Variants in FBLN1 observed in about 807,000 individuals in gnomAD.
FBLN1 encodes fibulin 1, also known as fibulin-1.
A neutral mutation model predicts 89.7 loss-of-function variants in FBLN1; 34 were observed. The observed-to-expected ratio is 0.38, with a 90% CI of 0.29 to 0.50. FBLN1 has a LOEUF of 0.50. FBLN1 is among the 20% of genes least tolerant of loss of function. FBLN1 has a pLI of 0.92. For missense variants in FBLN1, 777 were observed against 988.1 expected, an observed-to-expected ratio of 0.79 and a Z score of 2.86; for synonymous variants, 393 against 391.3, an observed-to-expected ratio of 1.00 and a Z score of -0.05.
At chr22:45,546,380 C>T (rs1160290214) in intron 11 of FBLN1, among the ~76,000 whole-genome samples, 1 of 152,130 alleles carries the variant, frequency 6.6e-6, no homozygotes, top group African/African-American at 2.4e-5. Flanking sequence ...CCATGCCTGG[C>T]TAATTCTTGT....
intron 8 of FBLN1, among the ~76,000 whole-genome samples, chr22:45,540,523 A>G (rs1178066626): frequency 1.3e-5 from 2 of 152,056 alleles, no homozygotes; most frequent in Admixed American, 1.3e-4. Flanking sequence ...GATGCTTTGT[A>G]AGTGTCTGAG....
intron 1 of FBLN1, among the ~76,000 whole-genome samples, chr22:45,509,311 A>T (rs1278600126): frequency 6.6e-6 from 1 of 152,174 alleles, no homozygotes; most frequent in East Asian, 1.9e-4. Context: ...AACTGTGGGG[A>T]GAATGCTTCT....
chr22:45,514,598 C>T (rs118176943), intron 1 of FBLN1, among the ~76,000 whole-genome samples: 107 of 152,256 alleles, frequency 7.0e-4, no homozygotes, highest in Non-Finnish European at 1.2e-3. Context: ...CCCCCTGGGA[C>T]GATGGAGGAG....
At chr22:45,508,540 C>G (rs1235256218) in intron 1 of FBLN1, among the ~76,000 whole-genome samples, 1 of 152,144 alleles carries the variant, frequency 6.6e-6, no homozygotes, top group African/African-American at 2.4e-5. Flanking sequence ...GAATTACAGG[C>G]GTGAGCCACC....
At chr22:45,589,608 T>TC (rs1236943292) in intron 16 of FBLN1, among the ~76,000 whole-genome samples, 1 of 152,132 alleles carries the variant, frequency 6.6e-6, no homozygotes, top group East Asian at 1.9e-4. Context: ...ATGGCGCCTC[T>TC]CAGGAGTAAA....
intron 13 of FBLN1, 78 bp downstream of exon 13, chr22:45,548,822 G>A (rs928944745): frequency 1.4e-5 from 22 of 1,586,622 alleles, no homozygotes; most frequent in Middle Eastern, 2.2e-4. Flanking sequence ...GGCTGGGCTC[G>A]GGGGCTGTGC....
At position 45,572,192 on chromosome 22, in the gene FBLN1, G is replaced by A. The variant is rs1330097488; in HGVS notation, c.1698-2319G>A. On this transcript the variant is annotated intron_variant, in intron 14 of 16. Transcript: ENST00000327858. The surrounding 1 kb of genome is among the most constrained non-coding windows in gnomAD (Gnocchi z 5.8). ...CAGAAATACAAATCCAAGACTTCTT[G>A]GAGAAATGGTTGATTCCAGGTCTTG... 6.6e-6 allele frequency among the ~76,000 whole-genome samples: 1 copy of A among 152,142 alleles called. No individual in the cohort carries two copies. The highest frequency in any genetic ancestry group is 1.5e-5 in the Non-Finnish European group (1 of 68,018).
intron 14 of FBLN1, among the ~76,000 whole-genome samples, chr22:45,552,226 T>G (rs2088712732): frequency 6.6e-6 from 1 of 152,096 alleles, no homozygotes. Context: ...GGCGTGAGGG[T>G]GGGCAGGGGG....
chr22:45,598,939 C>G (rs1309287788), intron 16 of FBLN1, among the ~76,000 whole-genome samples: 3 of 152,226 alleles, frequency 2.0e-5, no homozygotes, highest in Non-Finnish European at 4.4e-5. Context: ...CTGTCCCATA[C>G]TCTCACTGCG....
Position 45,600,809 on chromosome 22 carries a change from G to T in FBLN1, c.*363G>T. The T allele has an allele frequency of 4.8e-5, 14 of 294,560 alleles. No homozygotes were observed. The highest frequency in any genetic ancestry group is 1.8e-4 in the East Asian group (2 of 11,152). The allele number at this position is 294,560 out of a possible 1,614,324, so 18.2% of individuals were successfully genotyped here. On this transcript the variant is annotated 3_prime_UTR_variant, in exon 17 of 17. Coordinates refer to ENST00000327858, the MANE Select transcript of FBLN1 (RefSeq NM_006486.3). ...AAGAAGACCAGTTCTTGCCCTGATT[G>T]TATGAAATTTGACATTTTGGCACTT...
At chr22:45,547,243 C>A (rs1338695730) in intron 12 of FBLN1, 39 bp downstream of exon 12, 17 of 1,610,542 alleles carry the variant, frequency 1.1e-5, no homozygotes, top group Non-Finnish European at 1.4e-5. Context: ...AAAGCACCCC[C>A]TGGTCTTGCC....
intron 16 of FBLN1, among the ~76,000 whole-genome samples, chr22:45,592,367 C>T (rs1428925400): frequency 6.6e-6 from 1 of 152,158 alleles, no homozygotes; most frequent in Non-Finnish European, 1.5e-5. Flanking sequence ...CGCTCAGTCA[C>T]CCAGGCTGGA....
At chr22:45,517,605 C>A in intron 1 of FBLN1, 1 of 471,202 alleles carries the variant, frequency 2.1e-6, no homozygotes, top group Non-Finnish European at 4.4e-6. Flanking sequence ...GGCCAGGCTG[C>A]GGTTACTCCT....
At position 45,583,132 on chromosome 22, in the gene FBLN1, AGGAAGT is replaced by A. The variant is rs1272707295; in HGVS notation, c.1972+6026_1972+6031del. 6.6e-6 allele frequency among the ~76,000 whole-genome samples: 1 copy of A among 152,162 alleles called. No homozygotes were observed. Reference sequence around the variant, plus strand: ...TATCACCATTTATGTAAGAAAAAAAAGGAAGTGCTGGCCCAGGGTCCCACAGCCAGC... The same window carrying A: ...TATCACCATTTATGTAAGAAAAAAAAGCTGGCCCAGGGTCCCACAGCCAGC... On this transcript the variant is annotated intron_variant, in intron 16 of 16. Coordinates refer to ENST00000327858, the MANE Select transcript of FBLN1 (RefSeq NM_006486.3). This position sits in a 1 kb window ranked among gnomAD's most constrained non-coding sequence, Gnocchi z 4.5.
At chr22:45,527,557 G>A (rs1443217885) in intron 3 of FBLN1, among the ~76,000 whole-genome samples, 2 of 152,134 alleles carry the variant, frequency 1.3e-5, no homozygotes. Context: ...CTCTGGGCGG[G>A]GCAGGGATGT....
chr22:45,530,888 T>A lies in FBLN1; in HGVS notation c.485-377T>A, dbSNP rs766342484. Among the ~76,000 whole-genome samples, 7 of 152,122 alleles carry A rather than the reference T, an allele frequency of 4.6e-5. No individual in the cohort carries two copies. The highest frequency in any genetic ancestry group is 7.2e-5 in the African/African-American group (3 of 41,424). ...AAGCGATTATCCTGCCTCAACTTCC[T>A]GAGTACCTGAGATTACAGGTGCATG... On this transcript the variant is annotated intron_variant, in intron 4 of 16. Coordinates refer to ENST00000327858, the MANE Select transcript of FBLN1 (RefSeq NM_006486.3). This position sits in a 1 kb window ranked among gnomAD's most constrained non-coding sequence, Gnocchi z 5.4.
chr22:45,593,400 G>A (rs936067451), intron 16 of FBLN1, among the ~76,000 whole-genome samples: 13 of 152,124 alleles, frequency 8.5e-5, no homozygotes, highest in African/African-American at 2.9e-4. Context: ...TGAAGCGCCC[G>A]AGGGGACCTA....
At position 45,581,929 on chromosome 22, in the gene FBLN1, C is replaced by G. The variant is rs945382640; in HGVS notation, c.1972+4821C>G. Among the ~76,000 whole-genome samples the G allele has an allele frequency of 3.9e-5, 6 of 152,182 alleles. No individual in the cohort carries two copies. The highest frequency in any genetic ancestry group is 1.9e-4 in the East Asian group (1 of 5,178). On this transcript the variant is annotated intron_variant, in intron 16 of 16. Coordinates refer to ENST00000327858, the MANE Select transcript of FBLN1 (RefSeq NM_006486.3). This position sits in a 1 kb window ranked among gnomAD's most constrained non-coding sequence, Gnocchi z 7.6. ...GGGAGGCCGAAAGGGGCTGCAGGGC[C>G]AGGCCTTGGTGGATGCTGTCCTGGG...
chr22:45,593,254 A>T (rs1414219177), intron 16 of FBLN1, among the ~76,000 whole-genome samples: 1 of 150,272 alleles, frequency 6.7e-6, no homozygotes, highest in Non-Finnish European at 1.5e-5. Context: ...TGGCTTCGAG[A>T]TGGGGCCGAG....
Sources: allele counts gnomAD v4.1 joint callset (sites outside exome capture counted in the v4.1 genomes callset), GRCh38; gene constraint gnomAD v4.1.1; non-coding constraint Gnocchi (gnomAD v3.1); transcripts MANE v1.5; gene names NCBI Gene and HGNC (gene_info 2026-07-23, HGNC 2026-07-21).